The following CAST variants were observed in gnomAD, a reference collection of about 807,000 sequenced individuals.
The protein encoded by CAST is calpastatin, also known as MIR583 host.
In CAST, 76 loss-of-function variants were observed where a neutral mutation model predicts 119.6. The ratio of observed to expected loss-of-function variants is 0.64; its 90% confidence interval spans 0.53 to 0.77. CAST has a LOEUF of 0.77. Among genes scored for constraint, CAST ranks in the 30% least tolerant of loss-of-function variants. The pLI is 0.00. For synonymous variants in CAST, 319 were observed against 331.6 expected (o/e 0.96, Z 0.41); for missense variants, 953 against 946.5 (o/e 1.01, Z -0.09).
At chr5:96,310,798 T>C in the CAST span, among the ~76,000 whole-genome samples, 4 of 151,762 alleles carry the variant, frequency 2.6e-5, no homozygotes, top group Non-Finnish European at 5.9e-5. Flanking sequence ...TTTTGTTTAT[T>C]TGAATCTTTT....
the CAST span, among the ~76,000 whole-genome samples, chr5:96,329,783 T>C: frequency 1.5e-3 from 234 of 152,366 alleles, no homozygotes; most frequent in Middle Eastern, 6.8e-3. Flanking sequence ...CTATTCTCCA[T>C]GTATTGAAGG....
chr5:96,107,633 C>T, the CAST span, among the ~76,000 whole-genome samples: 1 of 152,146 alleles, frequency 6.6e-6, no homozygotes, highest in Non-Finnish European at 1.5e-5. Flanking sequence ...GTAACCTGAC[C>T]TTTCTCTCTG....
chr5:96,167,155 A>T, the CAST span, among the ~76,000 whole-genome samples: 1 of 152,216 alleles, frequency 6.6e-6, no homozygotes, highest in Non-Finnish European at 1.5e-5. Flanking sequence ...GACCCAGGAC[A>T]TCCAATTAGA....
At chr5:96,494,408 G>A in the CAST span, among the ~76,000 whole-genome samples, 1 of 152,140 alleles carries the variant, frequency 6.6e-6, no homozygotes, top group Non-Finnish European at 1.5e-5. Flanking sequence ...ATGGTGGCAA[G>A]GAGAGCATGG....
At chr5:96,365,594 C>G in the CAST span, among the ~76,000 whole-genome samples, 1 of 152,136 alleles carries the variant, frequency 6.6e-6, no homozygotes, top group Non-Finnish European at 1.5e-5. Context: ...TTCTTTGTCT[C>G]TTTTGATCTT....
At chr5:96,641,156 G>A (rs539636617) in intron 1 of CAST, among the ~76,000 whole-genome samples, 1 of 152,176 alleles carries the variant, frequency 6.6e-6, no homozygotes, top group Non-Finnish European at 1.5e-5. Context: ...GAGCAGCCAT[G>A]CTATTAATAC....
chr5:96,087,981 A>T, the CAST span, among the ~76,000 whole-genome samples: 2 of 152,348 alleles, frequency 1.3e-5, no homozygotes, highest in Admixed American at 1.3e-4. Context: ...GCATAGAGGC[A>T]AACAACTCCC....
intron 2 of CAST, among the ~76,000 whole-genome samples, chr5:96,682,300 A>T (rs568641929): frequency 6.6e-6 from 1 of 152,252 alleles, no homozygotes; most frequent in Admixed American, 6.5e-5. Flanking sequence ...TTTGCCCCCC[A>T]CATATTTTAT....
the CAST span, among the ~76,000 whole-genome samples, chr5:96,294,241 T>G: frequency 6.6e-6 from 1 of 152,246 alleles, no homozygotes; most frequent in Non-Finnish European, 1.5e-5. Flanking sequence ...TTGTGTTTAT[T>G]TCATTCCTAT....
chr5:96,523,586 A>T (rs1745551892), upstream of CAST, among the ~76,000 whole-genome samples: 1 of 152,146 alleles, frequency 6.6e-6, no homozygotes, highest in Non-Finnish European at 1.5e-5. Context: ...CGCTCATAAC[A>T]ATGTTTATCT....
intron 16 of CAST, among the ~76,000 whole-genome samples, chr5:96,745,842 G>GGTTTAATGTGAAAATTAGTC (rs1406981187): frequency 1.3e-5 from 2 of 152,154 alleles, no homozygotes; most frequent in Non-Finnish European, 2.9e-5. Context: ...ATCTGAACTG[G>GGTTTAATGTGAAAATTAGTC]GTTTAATGTG....
the CAST span, among the ~76,000 whole-genome samples, chr5:95,989,573 A>G: frequency 2.6e-5 from 4 of 152,238 alleles, no homozygotes; most frequent in Non-Finnish European, 4.4e-5. Context: ...CTGGACTCCA[A>G]ACAGTAAGTC....
At chr5:96,014,492 A>G in the CAST span, among the ~76,000 whole-genome samples, 19 of 152,208 alleles carry the variant, frequency 1.2e-4, no homozygotes, top group African/African-American at 1.2e-4. Context: ...CATGTACTAT[A>G]CATAATTGTG....
chr5:96,639,721 T>C (rs1561437348), intron 1 of CAST, among the ~76,000 whole-genome samples: 1 of 152,234 alleles, frequency 6.6e-6, no homozygotes, highest in Non-Finnish European at 1.5e-5. Context: ...ATGAGTATCC[T>C]TTTGATCCGA....
chr5:96,545,372 A>G (rs1745991075), intron 1 of CAST: 1 of 152,214 alleles, frequency 6.6e-6, no homozygotes, highest in African/African-American at 2.4e-5. Flanking sequence ...TTTCCTAGAT[A>G]TGAAATGAAG....
chr5:96,535,698 C>T (rs7730662), intron 1 of CAST, among the ~76,000 whole-genome samples: 92,278 of 150,562 alleles, frequency 0.61, 28,587 homozygotes, highest in East Asian at 0.87. Flanking sequence ...CTCAGCCTCT[C>T]GAGTAGCTGG....
At chr5:96,429,345 A>G in the CAST span, 2 of 1,257,658 alleles carry the variant, frequency 1.6e-6, no homozygotes, top group Non-Finnish European at 2.3e-6. Flanking sequence ...TAAAATAAAT[A>G]TCCACGTTCC....
chr5:96,162,148 G>T, the CAST span, among the ~76,000 whole-genome samples: 1 of 152,280 alleles, frequency 6.6e-6, no homozygotes, highest in East Asian at 1.9e-4. Context: ...CTAGTACAAT[G>T]TTGGATAGAA....
At chr5:96,701,834 G>A (rs1034261055) in intron 3 of CAST, among the ~76,000 whole-genome samples, 1 of 151,848 alleles carries the variant, frequency 6.6e-6, no homozygotes, top group African/African-American at 2.4e-5. Flanking sequence ...TAAGGACAGG[G>A]TCTTCTGCTC....
Sources: allele counts gnomAD v4.1 joint callset (sites outside exome capture counted in the v4.1 genomes callset), GRCh38; gene constraint gnomAD v4.1.1; transcripts MANE v1.5; gene names NCBI Gene and HGNC (gene_info 2026-07-23, HGNC 2026-07-21).